Variants in NKAIN1 observed in about 807,000 individuals in gnomAD.
The protein encoded by NKAIN1 is sodium/potassium-transporting ATPase subunit beta-1-interacting protein 1.
Under a neutral mutation model 31.6 loss-of-function variants are expected in NKAIN1, and 13 were observed. That is an observed-to-expected ratio of 0.41 (90% confidence interval 0.27 to 0.65). The LOEUF is 0.65. Ranked by LOEUF, NKAIN1 falls within the 30% of genes least tolerant of loss-of-function variation. NKAIN1 has a pLI of 0.30. For missense variants in NKAIN1, 193 were observed against 262.2 expected (o/e 0.74, Z 1.82); for synonymous variants, 104 against 109.0 (o/e 0.95, Z 0.28).
At chr1:31,182,959 TTTC>T (rs1645214175) in intron 4 of NKAIN1, among the ~76,000 whole-genome samples, 1 of 152,122 alleles carries the variant, frequency 6.6e-6, no homozygotes, top group Non-Finnish European at 1.5e-5. Context: ...AGTTTCTTTC[TTTC>T]TTTTTTTTTT....
At chr1:31,190,329 G>A (rs77729601) in intron 1 of NKAIN1, among the ~76,000 whole-genome samples, 5 of 152,268 alleles carry the variant, frequency 3.3e-5, no homozygotes, top group African/African-American at 4.8e-5. Flanking sequence ...GCCTCTTGTC[G>A]GTGACTCCCC....
At chr1:31,200,043 A>ACG (rs1557653827) in intron 1 of NKAIN1, among the ~76,000 whole-genome samples, 19 of 151,854 alleles carry the variant, frequency 1.3e-4, no homozygotes, top group African/African-American at 4.3e-4. Flanking sequence ...ACACACATGC[A>ACG]CACGTGCACA....
At chr1:31,192,319 C>A (rs1645292649) in intron 1 of NKAIN1, among the ~76,000 whole-genome samples, 1 of 152,148 alleles carries the variant, frequency 6.6e-6, no homozygotes, top group African/African-American at 2.4e-5. Flanking sequence ...TCTGACATGC[C>A]CTCACCCAGC....
chr1:31,222,107 G>T (rs1198865473), intron 1 of NKAIN1, among the ~76,000 whole-genome samples: 5 of 152,116 alleles, frequency 3.3e-5, no homozygotes, highest in Non-Finnish European at 2.9e-5. Flanking sequence ...TTGAACTCCT[G>T]ACCTCAGGGA....
chr1:31,181,616 C>G lies in NKAIN1; in HGVS notation c.*87G>C, dbSNP rs376926059. The G allele has an allele frequency of 1.5e-6, 2 of 1,313,002 alleles. No individual in the cohort carries two copies. Among genetic ancestry groups the G allele is most frequent in the Non-Finnish European group, 2.0e-6 (2 of 999,320 alleles). The allele number at this position is 1,313,002 out of a possible 1,614,324, so 81.3% of individuals were successfully genotyped here. A position where few individuals can be genotyped will look rare whatever the true frequency, so the allele number is the denominator to read the frequency against. On this transcript the variant is annotated 3_prime_UTR_variant, in exon 7 of 7. Transcript: ENST00000373736. The stretch of plus-strand genomic sequence containing the variant: ...AGGCTGCAGTGAGCGCGCGGGCCAC[C>G]AGGGGGACACGCCTGCGCCTTGGCC...
At chr1:31,186,394 G>GA (rs1025746951) in intron 2 of NKAIN1, among the ~76,000 whole-genome samples, 1 of 97,276 alleles carries the variant, frequency 1.0e-5, no homozygotes, top group Non-Finnish European at 1.9e-5. Context: ...ATTCTTTTGT[G>GA]TTTTTTTTTT....
At chr1:31,198,592 A>G (rs1212291866) in intron 1 of NKAIN1, among the ~76,000 whole-genome samples, 1 of 150,936 alleles carries the variant, frequency 6.6e-6, no homozygotes, top group Non-Finnish European at 1.5e-5. Flanking sequence ...TTTTCCGTCC[A>G]CTTTCTTTCA....
At chr1:31,208,886 G>A (rs1342762597) in intron 1 of NKAIN1, among the ~76,000 whole-genome samples, 1 of 152,204 alleles carries the variant, frequency 6.6e-6, no homozygotes, top group Non-Finnish European at 1.5e-5. Context: ...AATCACACTT[G>A]ATGTTCCAGG....
intron 1 of NKAIN1, among the ~76,000 whole-genome samples, chr1:31,206,096 G>C (rs908700037): frequency 6.7e-6 from 1 of 149,984 alleles, no homozygotes; most frequent in African/African-American, 2.4e-5. Flanking sequence ...TTAGCTGGGC[G>C]TGGTGGTGGG....
rs981869450 is a variant in NKAIN1 at position 31,197,151 on chromosome 1, G to A, written c.55-8964C>T. ...TTTTGAGACAGAATCTCACTCTGCC[G>A]CCCAGGCTGGAGTGCAGTGGCACAA... On this transcript the variant is annotated intron_variant, in intron 1 of 6. Transcript: ENST00000373736. Among the ~76,000 whole-genome samples the A allele has an allele frequency of 1.4e-4, 19 of 131,782 alleles. 1 individual carries two copies. Among genetic ancestry groups the A allele is most frequent in the Admixed American group, 7.1e-4 (8 of 11,286 alleles). 86.5% of individuals were successfully genotyped at this position (131,782 alleles called of 152,430 possible).
chr1:31,214,504 T>G (rs949658152), intron 1 of NKAIN1, among the ~76,000 whole-genome samples: 8 of 151,796 alleles, frequency 5.3e-5, no homozygotes, highest in Non-Finnish European at 1.2e-4. Flanking sequence ...CTTGGCCTCA[T>G]AGAGCTTACA....
chr1:31,197,821 A>G (rs1207449418), intron 1 of NKAIN1, among the ~76,000 whole-genome samples: 1 of 152,180 alleles, frequency 6.6e-6, no homozygotes, highest in Non-Finnish European at 1.5e-5. Flanking sequence ...TGTTGGGATT[A>G]CAGGCATGAG....
At chr1:31,221,049 C>T (rs921686746) in intron 1 of NKAIN1, among the ~76,000 whole-genome samples, 1 of 151,968 alleles carries the variant, frequency 6.6e-6, no homozygotes, top group African/African-American at 2.4e-5. Flanking sequence ...TTGTCAGGGC[C>T]CAGAGGAAGA....
In NKAIN1 at chr1:31,210,690, T is replaced by G. The variant is rs535129489; in HGVS notation, c.55-22503A>C. On this transcript the variant is annotated intron_variant, in intron 1 of 6. Transcript: ENST00000373736. Reference sequence around the variant, plus strand: ...CCCGTTTCCTCATCTGAAATGGAGATCATTTCTAACAGAACCCACATCTGT... The same window carrying G: ...CCCGTTTCCTCATCTGAAATGGAGAGCATTTCTAACAGAACCCACATCTGT... Among the ~76,000 whole-genome samples, 8 of 152,276 alleles carry G rather than the reference T, an allele frequency of 5.3e-5. No homozygotes were observed. In the South Asian group the frequency reaches 1.7e-3, roughly 32 times the overall value.
At chr1:31,230,904 C>T (rs558570411) in intron 1 of NKAIN1, among the ~76,000 whole-genome samples, 13 of 110,054 alleles carry the variant, frequency 1.2e-4, no homozygotes, top group South Asian at 2.8e-4. Flanking sequence ...TTTTTTGAGA[C>T]GGAGTTTTGC....
chr1:31,206,488 T>C (rs931927052), intron 1 of NKAIN1, among the ~76,000 whole-genome samples: 1 of 152,144 alleles, frequency 6.6e-6, no homozygotes, highest in African/African-American at 2.4e-5. Flanking sequence ...CAAGCTGGAA[T>C]GCAGTGGCGT....
chr1:31,191,194 GGGA>G (rs1352125876), intron 1 of NKAIN1, among the ~76,000 whole-genome samples: 1 of 152,088 alleles, frequency 6.6e-6, no homozygotes, highest in African/African-American at 2.4e-5. Context: ...GGGAGGCTGA[GGGA>G]GGAGAATTGC....
intron 1 of NKAIN1, among the ~76,000 whole-genome samples, chr1:31,203,775 G>A (rs986839938): frequency 7.9e-5 from 12 of 151,944 alleles, no homozygotes; most frequent in African/African-American, 2.7e-4. Flanking sequence ...AGTAGAGATG[G>A]GGTTTCACTA....
chr1:31,185,165 G>A, intron 3 of NKAIN1, 82 bp downstream of exon 3: 1 of 1,090,012 alleles, frequency 9.2e-7, no homozygotes, highest in Non-Finnish European at 1.4e-6. Context: ...ATGATGCTCT[G>A]GTCCTATACC....
Sources: gnomAD v4.1 joint callset for allele counts (sites outside exome capture counted in the v4.1 genomes callset) on GRCh38, gnomAD v4.1.1 for gene constraint, MANE v1.5 for transcripts, NCBI Gene and HGNC (gene_info 2026-07-23, HGNC 2026-07-21) for gene names.